Variants in SHB observed in about 807,000 individuals in gnomAD.
The protein encoded by SHB is SH2 domain containing adaptor protein B, also known as SH2 domain-containing adapter protein B.
SHB carries 20 observed loss-of-function variants against 52.3 expected under a neutral mutation model. The ratio of observed to expected loss-of-function variants is 0.38; its 90% confidence interval spans 0.27 to 0.56. The LOEUF (loss-of-function observed/expected upper bound fraction) is 0.56. Among genes scored for constraint, SHB ranks in the 20% least tolerant of loss-of-function variants. SHB has a pLI of 0.71. For missense variants in SHB, 825 were observed against 723.3 expected (o/e 1.14, Z -1.61); for synonymous variants, 397 against 316.5 (o/e 1.25, Z -2.70).
chr9:38,068,303 A>C lies in SHB; in HGVS notation c.343T>G (p.Cys115Gly). ...CCGCCTGGCTCCCCGCTGCCGCCGC[A>C]GTAGTCCAGGCGGCACATGGCGCGC... The part of the protein sequence containing the change: ...KLRAMCRLDY[C>G]GGSGEPGGVQ... Residue 115 changes from cysteine (C) to glycine (G), a missense_variant, in exon 1 of 6, where the codon TGC (cysteine) becomes GGC (glycine). By Grantham distance (159) the Cys-to-Gly change is radical. Transcript: ENST00000377707. 8.0e-6 allele frequency: 12 copies of C among 1,503,044 alleles called. No individual in the cohort carries two copies. Among genetic ancestry groups the C allele is most frequent in the Non-Finnish European group, 1.1e-5 (12 of 1,131,468 alleles). 93.1% of individuals were successfully genotyped at this position (1,503,044 alleles called of 1,614,324 possible).
rs1027235637 is a variant in SHB, at chr9:38,069,159, G to A, written c.-514C>T. 5 of 151,600 alleles carry A rather than the reference G, an allele frequency of 3.3e-5. No homozygotes were observed. The highest frequency in any genetic ancestry group is 1.3e-4 in the Admixed American group (2 of 15,222). 9.4% of individuals were successfully genotyped at this position (151,600 alleles called of 1,614,324 possible). On this transcript the variant is annotated 5_prime_UTR_variant, in exon 1 of 6. Transcript: ENST00000377707. ...GCCGGGAGAGACAGCGAGCGACGGA[G>A]GAAGGCAGCCGGCGCCCGCCGGAGC... is the stretch of plus-strand genomic sequence containing the variant.
intron 1 of SHB, among the ~76,000 whole-genome samples, chr9:38,016,657 G>A (rs558817304): frequency 6.6e-6 from 1 of 152,308 alleles, no homozygotes; most frequent in East Asian, 1.9e-4. Flanking sequence ...CAACAATTTG[G>A]TGAGATCAAC....
intron 5 of SHB, among the ~76,000 whole-genome samples, chr9:37,920,637 A>G (rs1344858464): frequency 6.6e-6 from 1 of 152,208 alleles, no homozygotes; most frequent in African/African-American, 2.4e-5. Context: ...AGTCTGTACT[A>G]CCTGCCCTTC....
intron 2 of SHB, among the ~76,000 whole-genome samples, chr9:38,001,982 G>A (rs894339412): frequency 3.3e-5 from 4 of 121,830 alleles, no homozygotes; most frequent in Non-Finnish European, 7.7e-5. Context: ...ACCTGGCTCT[G>A]AGCACAGACT....
At chr9:38,009,895 T>C (rs1005962437) in intron 2 of SHB, among the ~76,000 whole-genome samples, 1 of 152,264 alleles carries the variant, frequency 6.6e-6, no homozygotes, top group Non-Finnish European at 1.5e-5. Flanking sequence ...GACTTTTTAA[T>C]GTGTAATTGC....
chr9:37,970,780 CAGTTCTAACCAA>C (rs1024966795), intron 3 of SHB, among the ~76,000 whole-genome samples: 1 of 151,920 alleles, frequency 6.6e-6, no homozygotes, highest in Non-Finnish European at 1.5e-5. Context: ...TACACACATT[CAGTTCTAACCAA>C]AATTCTTACC....
Position 38,015,475 on chromosome 9 carries a change from G to A in SHB, c.838+536C>T, listed in dbSNP as rs778107407. 6.3e-4 allele frequency: 441 copies of A among 702,894 alleles called. 2 individuals are homozygous for A. Among genetic ancestry groups the A allele is most frequent in the Middle Eastern group, 3.0e-3 (13 of 4,392 alleles). The allele number at this position is 702,894 out of a possible 1,614,324, so 43.5% of individuals were successfully genotyped here. ...CTGGGGGAATGTCTCCATGCTTCCT[G>A]TAAACCTGTCATGTAGACCAGGGTT... On this transcript the variant is annotated intron_variant, in intron 2 of 5. Transcript: ENST00000377707.
At chr9:37,995,897 T>C (rs1820940876) in intron 2 of SHB, among the ~76,000 whole-genome samples, 1 of 152,170 alleles carries the variant, frequency 6.6e-6, no homozygotes, top group African/African-American at 2.4e-5. Flanking sequence ...ATCACCATCT[T>C]AGGCAGGTGT....
intron 4 of SHB, among the ~76,000 whole-genome samples, chr9:37,952,442 GC>G (rs1832577024): frequency 6.6e-6 from 1 of 152,204 alleles, no homozygotes; most frequent in Non-Finnish European, 1.5e-5. Context: ...GGCACTGTGA[GC>G]AGCGGGCAGG....
chr9:38,053,413 A>T (rs985966227), intron 1 of SHB, among the ~76,000 whole-genome samples: 3 of 151,712 alleles, frequency 2.0e-5, no homozygotes, highest in Non-Finnish European at 4.4e-5. Context: ...AATTTTTTGT[A>T]TTTTCAGTAG....
intron 2 of SHB, among the ~76,000 whole-genome samples, chr9:38,011,688 GCT>G (rs1313441878): frequency 6.6e-6 from 1 of 152,198 alleles, no homozygotes; most frequent in African/African-American, 2.4e-5. Flanking sequence ...TCTTGCCTCT[GCT>G]CTGATACCTC....
intron 1 of SHB, among the ~76,000 whole-genome samples, chr9:38,036,628 G>A (rs1821491193): frequency 6.6e-6 from 1 of 152,214 alleles, no homozygotes; most frequent in African/African-American, 2.4e-5. Context: ...CCCCCGCCTA[G>A]CAGGAGCTCT....
intron 2 of SHB, among the ~76,000 whole-genome samples, chr9:37,976,659 G>A (rs1424362596): frequency 6.6e-6 from 1 of 152,166 alleles, no homozygotes; most frequent in Admixed American, 6.5e-5. Context: ...CCATCATTAT[G>A]TATATTCACC....
intron 2 of SHB, among the ~76,000 whole-genome samples, chr9:38,005,638 G>T (rs528913082): frequency 6.6e-6 from 1 of 152,316 alleles, no homozygotes; most frequent in South Asian, 2.1e-4. Flanking sequence ...CTTAGGGAGA[G>T]TCCTGGTATC....
intron 1 of SHB, among the ~76,000 whole-genome samples, chr9:38,031,757 A>C (rs1006787429): frequency 6.6e-6 from 1 of 152,238 alleles, no homozygotes; most frequent in Non-Finnish European, 1.5e-5. Flanking sequence ...CTTATTTATT[A>C]ATGCACATTG....
intron 4 of SHB, among the ~76,000 whole-genome samples, chr9:37,951,212 C>A (rs1057489867): frequency 5.3e-5 from 8 of 152,192 alleles, no homozygotes; most frequent in African/African-American, 1.9e-4. Flanking sequence ...GCAGTGGCCA[C>A]CAAGCTGGAC....
chr9:37,976,344 C>T (rs1820653267), intron 2 of SHB, among the ~76,000 whole-genome samples: 1 of 152,144 alleles, frequency 6.6e-6, no homozygotes, highest in Non-Finnish European at 1.5e-5. Context: ...CCAACATTGA[C>T]CATTTTAGCC....
At chr9:37,992,631 A>G (rs139488648) in intron 2 of SHB, among the ~76,000 whole-genome samples, 1 of 152,286 alleles carries the variant, frequency 6.6e-6, no homozygotes, top group Non-Finnish European at 1.5e-5. Flanking sequence ...TATCCCATGC[A>G]GGGGGCTGGG....
chr9:37,955,858 T>C, intron 4 of SHB, 25 bp downstream of exon 4: 1 of 1,604,204 alleles, frequency 6.2e-7, no homozygotes, highest in Non-Finnish European at 8.5e-7. Context: ...GGAGGTGAGG[T>C]TGGGCTTTGC....
Sources: gnomAD v4.1 joint callset for allele counts (sites outside exome capture counted in the v4.1 genomes callset) on GRCh38, gnomAD v4.1.1 for gene constraint, MANE v1.5 for transcripts, NCBI Gene and HGNC (gene_info 2026-07-23, HGNC 2026-07-21) for gene names.